TTC6: variants seen among roughly 807,000 people sequenced by gnomAD.
The protein encoded by TTC6 is tetratricopeptide repeat domain 6.
Under a neutral mutation model 210.4 loss-of-function variants are expected in TTC6, and 172 were observed. The observed-to-expected ratio is 0.82, with a 90% confidence interval of 0.72 to 0.93. The LOEUF is 0.93. Among genes scored for constraint, TTC6 ranks in the 40% least tolerant of loss-of-function variants. The pLI, the probability that TTC6 is intolerant of heterozygous loss-of-function variation, is 0.00. For missense variants in TTC6, 2,414 were observed against 2,318.1 expected, an observed-to-expected ratio of 1.04 and a Z score of -0.85; for synonymous variants, 804 against 819.6, an observed-to-expected ratio of 0.98 and a Z score of 0.32.
chr14:37,603,169 G>C (rs11624277), intron 1 of TTC6, among the ~76,000 whole-genome samples: 2 of 152,162 alleles, frequency 1.3e-5, no homozygotes, highest in East Asian at 3.9e-4. Context: ...TAGGATTGGG[G>C]TGGGGCAGCA....
rs572586900 is a variant in TTC6 at position 37,767,190 on chromosome 14, A to G, written c.3266+13955A>G. Among the ~76,000 whole-genome samples, 923 of 152,260 alleles carry G rather than the reference A, an allele frequency of 6.1e-3. 8 individuals are homozygous for G. Among genetic ancestry groups the G allele is most frequent in the Non-Finnish European group, 9.2e-3 (629 of 68,022 alleles). On this transcript the variant is annotated intron_variant, in intron 14 of 30. Transcript: ENST00000553443. ...TATATGTGCCACATTTTCTTAATCC[A>G]GTCTATCATTGTTGGACATTTGGGT...
chr14:37,741,273 CTTTTTTTTTTTTTTTTTTTT>C (rs10600031), intron 10 of TTC6, among the ~76,000 whole-genome samples: 49 of 82,294 alleles, frequency 6.0e-4, no homozygotes, highest in Middle Eastern at 7.8e-3. Context: ...TTTTTTCCCA[CTTTTTTTTTTTTTTTTTTTT>C]TTTTTTTTTT....
chr14:37,755,194 G>A (rs2095963875), intron 14 of TTC6, among the ~76,000 whole-genome samples: 1 of 152,024 alleles, frequency 6.6e-6, no homozygotes, highest in South Asian at 2.1e-4. Context: ...CTTTTGAGAA[G>A]TGTATGTTCA....
chr14:37,759,497 G>A (rs1203829363), intron 14 of TTC6, among the ~76,000 whole-genome samples: 2 of 152,012 alleles, frequency 1.3e-5, no homozygotes, highest in African/African-American at 4.8e-5. Flanking sequence ...TGCACTTCTC[G>A]ATGAGTATTT....
intron 7 of TTC6, among the ~76,000 whole-genome samples, chr14:37,732,757 A>G (rs908616162): frequency 6.7e-6 from 1 of 149,904 alleles, no homozygotes; most frequent in Non-Finnish European, 1.5e-5. Context: ...AGCTGGGACT[A>G]CAGGCGCCCG....
chr14:37,619,627 TTATAA>T (rs1023209175), upstream of TTC6, among the ~76,000 whole-genome samples: 15 of 152,174 alleles, frequency 9.9e-5, no homozygotes, highest in African/African-American at 3.4e-4. Context: ...AATGCTGCCT[TTATAA>T]TATAACTAAT....
intron 6 of TTC6, among the ~76,000 whole-genome samples, chr14:37,717,882 C>T (rs752919022): frequency 6.6e-6 from 1 of 152,238 alleles, no homozygotes; most frequent in Non-Finnish European, 1.5e-5. Flanking sequence ...AGAGGTGGGA[C>T]CTTTAAGAGG....
chr14:37,678,299 C>T (rs1176550554), intron 1 of TTC6, among the ~76,000 whole-genome samples: 1 of 152,112 alleles, frequency 6.6e-6, no homozygotes, highest in Non-Finnish European at 1.5e-5. Context: ...GAATGTACCA[C>T]GTATCTTGCA....
At chr14:37,833,836 G>A (rs1440649296) in intron 29 of TTC6, among the ~76,000 whole-genome samples, 1 of 152,094 alleles carries the variant, frequency 6.6e-6, no homozygotes, top group Non-Finnish European at 1.5e-5. Flanking sequence ...TTGGCTGCCA[G>A]ATGTAAAAAT....
intron 7 of TTC6, among the ~76,000 whole-genome samples, 179 bp downstream of exon 9, chr14:37,725,181 G>A (rs1033852319): frequency 1.3e-5 from 2 of 148,902 alleles, no homozygotes; most frequent in African/African-American, 4.9e-5. Context: ...ATAATTGTAT[G>A]TATGTATACA....
chr14:37,796,179 C>A, intron 18 of TTC6, 115 bp from the exon 21 acceptor site: 1 of 461,498 alleles, frequency 2.2e-6, no homozygotes, highest in Non-Finnish European at 3.9e-6. Context: ...TTTATGCATA[C>A]ATAAGTAAAT....
chr14:37,811,407 C>T (rs537274369), intron 24 of TTC6, among the ~76,000 whole-genome samples: 223 of 152,236 alleles, frequency 1.5e-3, no homozygotes, highest in African/African-American at 5.1e-3. Flanking sequence ...GACACTTGAG[C>T]ACGCAACATT....
At chr14:37,768,288 T>TTTTTTGGTTCCATATGAAC (rs2096005910) in intron 14 of TTC6, among the ~76,000 whole-genome samples, 1 of 151,392 alleles carries the variant, frequency 6.6e-6, no homozygotes, top group Non-Finnish European at 1.5e-5. Context: ...ATGCGGGCTC[T>TTTTTTGGTTCCATATGAAC]TTTTTGGTTC....
Position 37,609,684 on chromosome 14 carries a change from A to C in TTC6, c.-155+2942A>C, listed in dbSNP as rs533624280. 4.9e-4 allele frequency among the ~76,000 whole-genome samples: 74 copies of C among 152,342 alleles called. No individual in the cohort carries two copies. The South Asian group carries it at 0.015, about 31-fold the overall frequency. ...ATTGTTTCCTGACTATATGATAGACATATTTCAAGGTTACATTAATTTGAA... is the reference window on the plus strand; with the variant it reads ...ATTGTTTCCTGACTATATGATAGACCTATTTCAAGGTTACATTAATTTGAA... On this transcript the variant is annotated intron_variant, in intron 2 of 2. Coordinates refer to the TTC6 transcript ENST00000556845.
chr14:37,702,815 T>A (rs1179724440), intron 5 of TTC6, among the ~76,000 whole-genome samples: 1 of 152,170 alleles, frequency 6.6e-6, no homozygotes, highest in Non-Finnish European at 1.5e-5. Context: ...AATTAAAAAT[T>A]ACCTGGTTTC....
At position 37,812,300 on chromosome 14, in the gene TTC6, A is replaced by G. The variant is rs1028511726; in HGVS notation, c.4570-14A>G. 2 of 1,607,448 alleles carry G rather than the reference A, an allele frequency of 1.2e-6. No individual in the cohort carries two copies. Among genetic ancestry groups the G allele is most frequent in the African/African-American group, 2.7e-5 (2 of 74,590 alleles). On this transcript the variant is annotated splice_polypyrimidine_tract_variant and intron_variant, in intron 24 of 30. Transcript: ENST00000553443. Reference sequence around the variant, plus strand: ...CTAAAAAGTTGAATCTATGTTACAAATGATTATTTTTAGGCATTAACAGAT... The same window carrying G: ...CTAAAAAGTTGAATCTATGTTACAAGTGATTATTTTTAGGCATTAACAGAT...
At chr14:37,624,868 G>A (rs186558101) in intron 1 of TTC6, among the ~76,000 whole-genome samples, 3 of 152,092 alleles carry the variant, frequency 2.0e-5, no homozygotes, top group East Asian at 1.9e-4. Context: ...TGATCCGCCC[G>A]CCTCGGCCTC....
At chr14:37,684,317 A>G (rs765604560) in intron 3 of TTC6, among the ~76,000 whole-genome samples, 7 of 152,152 alleles carry the variant, frequency 4.6e-5, no homozygotes, top group Non-Finnish European at 7.4e-5. Flanking sequence ...ACACTAGCCT[A>G]TTGATCTTCC....
Position 37,622,147 on chromosome 14 carries a change from A to AAACT in TTC6, c.86_89dup (p.Lys30AsnfsTer2). On this transcript the variant is annotated frameshift_variant, in exon 1 of 31. Coordinates refer to ENST00000553443, the Ensembl canonical transcript of TTC6. LOFTEE classifies it high-confidence loss of function. ...AAAGAGCTTGAGAAAGTTCGGCAGG[A>AAACT]AACTAAAAAGGATTTTCTCCGATTC... is the stretch of plus-strand genomic sequence containing the variant. 1 of 1,535,592 alleles carries AAACT rather than the reference A, an allele frequency of 6.5e-7. No homozygotes were observed. The highest frequency in any genetic ancestry group is 8.7e-7 in the Non-Finnish European group (1 of 1,146,714).
Sources: gnomAD v4.1 joint callset for allele counts (sites outside exome capture counted in the v4.1 genomes callset) on GRCh38, gnomAD v4.1.1 for gene constraint, MANE v1.5 for transcripts, NCBI Gene and HGNC (gene_info 2026-07-23, HGNC 2026-07-21) for gene names.